Variants in PDE4D observed in about 807,000 individuals in gnomAD.
The protein encoded by PDE4D is phosphodiesterase 4D, also known as 3',5'-cyclic-AMP phosphodiesterase 4D.
Under a neutral mutation model 87.4 loss-of-function variants are expected in PDE4D, and 24 were observed. That is an observed-to-expected ratio of 0.27 (90% CI 0.20 to 0.39). The LOEUF (loss-of-function observed/expected upper bound fraction) is 0.39. Ranked by LOEUF, PDE4D falls within the 10% of genes least tolerant of loss-of-function variation. The pLI is 1.00. For missense variants in PDE4D, 714 were observed against 1,041.0 expected (o/e 0.69, Z 4.32); for synonymous variants, 384 against 383.2 (o/e 1.00, Z -0.02).
chr5:60,073,380 GT>G (rs1221559812), intron 2 of PDE4D, among the ~76,000 whole-genome samples: 1 of 151,910 alleles, frequency 6.6e-6, no homozygotes, highest in Non-Finnish European at 1.5e-5. Context: ...TGGTGGATTA[GT>G]TTTTCGATGT....
In PDE4D at chr5:59,304,220, G is replaced by C. The variant is rs149370825; in HGVS notation, c.456-88252C>G. 7.4e-3 allele frequency among the ~76,000 whole-genome samples: 1,130 copies of C among 152,122 alleles called. 12 individuals are homozygous for C. Among genetic ancestry groups the C allele is most frequent in the Admixed American group, 0.011 (165 of 15,260 alleles). On this transcript the variant is annotated intron_variant, in intron 1 of 14. Transcript: ENST00000340635. ...TTGGTCACTGTTGGTATATAGAAGA[G>C]CTACTGATTTGTGTACATTAATCTT...
chr5:60,266,493 T>C (rs751926190), intron 1 of PDE4D, among the ~76,000 whole-genome samples: 44 of 152,220 alleles, frequency 2.9e-4, no homozygotes, highest in Non-Finnish European at 2.9e-5. Flanking sequence ...TGGCATCCTA[T>C]TACCATTGGC....
At chr5:60,212,280 G>GA (rs1369126690) in intron 1 of PDE4D, among the ~76,000 whole-genome samples, 4 of 151,830 alleles carry the variant, frequency 2.6e-5, no homozygotes, top group African/African-American at 9.7e-5. Context: ...TTTTATAATA[G>GA]AAAAATCATA....
At chr5:60,278,123 A>T (rs1751554479) in intron 1 of PDE4D, among the ~76,000 whole-genome samples, 1 of 152,096 alleles carries the variant, frequency 6.6e-6, no homozygotes, top group Admixed American at 6.6e-5. Flanking sequence ...TCCTGGTGAT[A>T]ATCTGTTTTT....
At chr5:59,119,967 C>T (rs1205437849) in intron 5 of PDE4D, among the ~76,000 whole-genome samples, 2 of 152,088 alleles carry the variant, frequency 1.3e-5, no homozygotes, top group East Asian at 3.9e-4. Context: ...GGCTCAGCCT[C>T]CCAAGTAGTT....
chr5:59,704,070 G>A (rs936180038), intron 1 of PDE4D, among the ~76,000 whole-genome samples: 1 of 152,098 alleles, frequency 6.6e-6, no homozygotes, highest in Non-Finnish European at 1.5e-5. Context: ...TGAATAAAAA[G>A]ATATTTCAAG....
chr5:59,428,221 G>C (rs531110425), intron 1 of PDE4D, among the ~76,000 whole-genome samples: 33 of 152,242 alleles, frequency 2.2e-4, no homozygotes, highest in African/African-American at 7.5e-4. Flanking sequence ...TATTTTATAA[G>C]GATATACTTA....
rs557122457 is a variant in PDE4D at position 59,208,537 on chromosome 5, T to C, written c.647+7240A>G. On this transcript the variant is annotated intron_variant, in intron 2 of 14. Coordinates refer to ENST00000340635, the MANE Select transcript of PDE4D (RefSeq NM_001104631.2). ...TGCTGGCACCATCTCACTGTAGCAGTGCATTAAAATCAATGCTTTATTTTT... is the reference window on the plus strand; with the variant it reads ...TGCTGGCACCATCTCACTGTAGCAGCGCATTAAAATCAATGCTTTATTTTT... Among the ~76,000 whole-genome samples, 71 of 152,368 alleles carry C rather than the reference T, an allele frequency of 4.7e-4. No individual in the cohort carries two copies. In the South Asian group the frequency reaches 0.014, roughly 29 times the overall value.
chr5:59,169,851 A>G (rs1422164257), intron 5 of PDE4D, among the ~76,000 whole-genome samples: 1 of 152,198 alleles, frequency 6.6e-6, no homozygotes, highest in African/African-American at 2.4e-5. Flanking sequence ...GCCTTATCCT[A>G]GACATTCAGT....
chr5:59,060,229 A>G (rs1214392675), intron 5 of PDE4D, among the ~76,000 whole-genome samples: 1 of 152,132 alleles, frequency 6.6e-6, no homozygotes, highest in Non-Finnish European at 1.5e-5. Context: ...TCACAGTGCA[A>G]TAAGATGGAA....
chr5:59,417,098 T>C (rs1014940566), intron 1 of PDE4D, among the ~76,000 whole-genome samples: 1 of 152,178 alleles, frequency 6.6e-6, no homozygotes, highest in Non-Finnish European at 1.5e-5. Flanking sequence ...TTCTAGGTAT[T>C]ATTTTAACAT....
chr5:59,256,415 G>T (rs1760975000), intron 1 of PDE4D, among the ~76,000 whole-genome samples: 1 of 152,060 alleles, frequency 6.6e-6, no homozygotes, highest in South Asian at 2.1e-4. Context: ...GTGCTCTGCA[G>T]ATTTAAAATG....
intron 1 of PDE4D, among the ~76,000 whole-genome samples, chr5:59,702,109 CACTT>C (rs1752660248): frequency 6.6e-6 from 1 of 152,122 alleles, no homozygotes. Context: ...ATTAGTTAGG[CACTT>C]ACTAATTATT....
chr5:59,196,105 A>G (rs1745407483), intron 2 of PDE4D, among the ~76,000 whole-genome samples: 1 of 152,200 alleles, frequency 6.6e-6, no homozygotes, highest in African/African-American at 2.4e-5. Context: ...GGAAAAAAAG[A>G]TATGAAAATT....
intron 5 of PDE4D, among the ~76,000 whole-genome samples, chr5:59,045,983 G>C (rs1196854120): frequency 6.6e-6 from 1 of 152,176 alleles, no homozygotes; most frequent in Admixed American, 6.5e-5. Flanking sequence ...TGTCAGGTAT[G>C]AACAGAAGGA....
intron 2 of PDE4D, among the ~76,000 whole-genome samples, chr5:60,039,544 C>T (rs1430543040): frequency 6.6e-6 from 1 of 151,486 alleles, no homozygotes; most frequent in Non-Finnish European, 1.5e-5. Flanking sequence ...ATGTAACTAA[C>T]CTGCACATTG....
At chr5:59,212,231 C>T (rs910042602) in intron 2 of PDE4D, among the ~76,000 whole-genome samples, 23 of 152,102 alleles carry the variant, frequency 1.5e-4, no homozygotes, top group African/African-American at 5.6e-4. Context: ...AGAGAAGGCA[C>T]AGTCCTTTAT....
At chr5:59,851,743 G>A (rs747332299) in intron 1 of PDE4D, among the ~76,000 whole-genome samples, 2 of 152,006 alleles carry the variant, frequency 1.3e-5, no homozygotes, top group Non-Finnish European at 2.9e-5. Context: ...TGTTGGCCTT[G>A]AAGGAGTAAA....
In PDE4D at chr5:59,121,328, T is replaced by A. The variant is rs1451217002; in HGVS notation, c.808+59267A>T. Among the ~76,000 whole-genome samples, 3 of 152,080 alleles carry A rather than the reference T, an allele frequency of 2.0e-5. No homozygotes were observed. In the East Asian group the frequency reaches 5.8e-4, roughly 29 times the overall value. Reference sequence around the variant, plus strand: ...TCTGACAAGGGAATAATATTCAGAATATATTAGGAACTCAAACGTCTCAAT... The same window carrying A: ...TCTGACAAGGGAATAATATTCAGAAAATATTAGGAACTCAAACGTCTCAAT... On this transcript the variant is annotated intron_variant, in intron 5 of 14. Coordinates refer to ENST00000340635, the MANE Select transcript of PDE4D (RefSeq NM_001104631.2).
Sources: gnomAD v4.1 joint callset for allele counts (sites outside exome capture counted in the v4.1 genomes callset) on GRCh38, gnomAD v4.1.1 for gene constraint, MANE v1.5 for transcripts, NCBI Gene and HGNC (gene_info 2026-07-23, HGNC 2026-07-21) for gene names.